Variants in C2CD4C observed in about 807,000 individuals in gnomAD.
The protein encoded by C2CD4C is C2 calcium dependent domain containing 4C.
A neutral mutation model predicts 4.1 loss-of-function variants in C2CD4C; 3 were observed. That is an observed-to-expected ratio of 0.73 (90% CI 0.33 to 1.88). The LOEUF is 1.88. Ranked by LOEUF, C2CD4C falls within the 40% of genes most tolerant of loss-of-function variation. The pLI is 0.08. For missense variants in C2CD4C, 664 were observed against 621.5 expected, an observed-to-expected ratio of 1.07 and a Z score of -0.73; for synonymous variants, 364 against 290.4, an observed-to-expected ratio of 1.25 and a Z score of -2.57.
At position 407,763 on chromosome 19, in the gene C2CD4C, G is replaced by A; in HGVS notation, c.599C>T (p.Ala200Val). The change falls in exon 2 of 2, where the codon GCT becomes GTT. Residue 200 changes from alanine to valine, a missense_variant. By Grantham distance (64) the Ala-to-Val change is moderately conservative (BLOSUM62 0). Coordinates refer to ENST00000332235, the MANE Select transcript of C2CD4C (RefSeq NM_001136263.2). ...ANGGDGGPRE[A>V]GGALMSPGRY... ...GCCGGGGCTCATGAGGGCCCCGCCAGCCTCCCTGGGGCCCCCATCACCCCC... is the reference window on the plus strand; with the variant it reads ...GCCGGGGCTCATGAGGGCCCCGCCAACCTCCCTGGGGCCCCCATCACCCCC... 6.6e-7 allele frequency: 1 copy of A among 1,516,582 alleles called. No individual in the cohort carries two copies. 93.9% of individuals were successfully genotyped at this position (1,516,582 alleles called of 1,614,324 possible). A position where few individuals can be genotyped will look rare whatever the true frequency, so the allele number is the denominator to read the frequency against.
chr19:408,312 TC>T lies in C2CD4C; in HGVS notation c.49del (p.Glu17LysfsTer26), dbSNP rs1451108002. On this transcript the variant is annotated frameshift_variant, in exon 2 of 2. Transcript: ENST00000332235. LOFTEE classifies it low-confidence loss of function (END_TRUNC). The stretch of plus-strand genomic sequence containing the variant: ...CCCCACGCCCCGGGCAGCACCGTTT[TC>T]CCCAGACCCCCGAAGCCGCTCCAAG... ...WFLERLRGSG[E>X]NGAARGVGSE... 1 of 1,547,548 alleles carries T rather than the reference TC, an allele frequency of 6.5e-7. No individual in the cohort carries two copies. Among genetic ancestry groups the T allele is most frequent in the Non-Finnish European group, 8.7e-7 (1 of 1,145,704 alleles).
chr19:408,117 G>C lies in C2CD4C; in HGVS notation c.245C>G (p.Ala82Gly), dbSNP rs1230332012. ...STSEQNLASA[A>G]PRQTPRSPRL... ...GGGGCTCCGTGGGGTCTGGCGGGGG[G>C]CCGCAGAGGCCAGGTTCTGTTCCGA... Residue 82 changes from alanine to glycine, a missense_variant, in exon 2 of 2, where the codon GCC becomes GGC. Physicochemically the swap from Ala to Gly is moderately conservative, Grantham distance 60 (BLOSUM62 0). Coordinates refer to ENST00000332235, the MANE Select transcript of C2CD4C (RefSeq NM_001136263.2). 1 of 1,471,082 alleles carries C rather than the reference G, an allele frequency of 6.8e-7. No homozygotes were observed. The highest frequency in any genetic ancestry group is 9.0e-7 in the Non-Finnish European group (1 of 1,112,938). The allele number at this position is 1,471,082 out of a possible 1,614,324, so 91.1% of individuals were successfully genotyped here. A position where few individuals can be genotyped will look rare whatever the true frequency, so the allele number is the denominator to read the frequency against.
Position 406,995 on chromosome 19 carries a change from G to A in C2CD4C, c.*101C>T. On this transcript the variant is annotated 3_prime_UTR_variant, in exon 2 of 2. Transcript: ENST00000332235. ...CTGAGTGTGAGCCCCTCCCCGGCCA[G>A]CCCCAGCCCAAGCCAGCGGACCCGC... is the stretch of plus-strand genomic sequence containing the variant. 4 of 569,372 alleles carry A rather than the reference G, an allele frequency of 7.0e-6. No individual in the cohort carries two copies. Among genetic ancestry groups the A allele is most frequent in the Non-Finnish European group, 1.1e-5 (4 of 351,344 alleles). 35.3% of individuals were successfully genotyped at this position (569,372 alleles called of 1,614,324 possible).
chr19:407,315 G>T lies in C2CD4C; in HGVS notation c.1047C>A (p.Cys349Ter), dbSNP rs919548405. ...GCTTCTGCAGCTTGCCCGGCACCAG[G>T]CACAGGCCCACGCAGCAGTTGATGC... Reference protein sequence around the residue: ...ARSINCCVGLCLVPGKLQKQR... With the variant: ...ARSINCCVGL The change falls in exon 2 of 2, where the codon TGC (cysteine) becomes TGA (stop). Residue 349 changes from cysteine (C) to a stop codon, truncating the protein, a stop_gained. Coordinates refer to ENST00000332235, the MANE Select transcript of C2CD4C (RefSeq NM_001136263.2). LOFTEE classifies it high-confidence loss of function. 2.6e-6 allele frequency: 4 copies of T among 1,549,420 alleles called. No individual in the cohort carries two copies. Among genetic ancestry groups the T allele is most frequent in the Non-Finnish European group, 3.5e-6 (4 of 1,146,806 alleles).
Position 408,654 on chromosome 19 carries a change from C to G in C2CD4C, c.-40-253G>C, listed in dbSNP as rs550732801. Among the ~76,000 whole-genome samples the G allele has an allele frequency of 3.1e-3, 468 of 152,304 alleles. 2 individuals are homozygous for G. The highest frequency in any genetic ancestry group is 6.8e-3 in the Middle Eastern group (2 of 294). On this transcript the variant is annotated intron_variant, in intron 1 of 1. Transcript: ENST00000332235. ...GCGTGGGGGCCGCGCTCTGACTCTC[C>G]GGGGAGCTCCCAGAGGAGACTGGCC... is the stretch of plus-strand genomic sequence containing the variant.
Position 406,422 on chromosome 19 carries a change from ACCT to A in C2CD4C, c.*671_*673del, listed in dbSNP as rs1568273414. The A allele has an allele frequency of 6.6e-6, 1 of 152,002 alleles. No homozygotes were observed. The highest frequency in any genetic ancestry group is 1.5e-5 in the Non-Finnish European group (1 of 68,074). The allele number at this position is 152,002 out of a possible 1,614,324, so 9.4% of individuals were successfully genotyped here. On this transcript the variant is annotated 3_prime_UTR_variant, in exon 2 of 2. Coordinates refer to ENST00000332235, the MANE Select transcript of C2CD4C (RefSeq NM_001136263.2). Reference sequence around the variant, plus strand: ...CTCCTCCCCGCGGACCTCTGCCAAGACCTCCTCTGCTCCGACTGTGGCAGCGGC... The same window carrying A: ...CTCCTCCCCGCGGACCTCTGCCAAGACCTCTGCTCCGACTGTGGCAGCGGC...
At position 406,655 on chromosome 19, in the gene C2CD4C, A is replaced by C. The variant is rs72988457; in HGVS notation, c.*441T>G. On this transcript the variant is annotated 3_prime_UTR_variant, in exon 2 of 2. Transcript: ENST00000332235. The stretch of plus-strand genomic sequence containing the variant: ...GGCAGGCTGTGGGGGAGGAAGACAC[A>C]CGTGCAGTGAAGGAGACTGTGGGCT... The C allele has an allele frequency of 6.3e-6, 1 of 157,570 alleles. No homozygotes were observed. Among genetic ancestry groups the C allele is most frequent in the Non-Finnish European group, 1.4e-5 (1 of 72,042 alleles). 9.8% of individuals were successfully genotyped at this position (157,570 alleles called of 1,614,324 possible). A position where few individuals can be genotyped will look rare whatever the true frequency, so the allele number is the denominator to read the frequency against.
At position 407,791 on chromosome 19, in the gene C2CD4C, T is replaced by G; in HGVS notation, c.571A>C (p.Asn191His). The G allele has an allele frequency of 6.5e-7, 1 of 1,529,104 alleles. No individual in the cohort carries two copies. 94.7% of individuals were successfully genotyped at this position (1,529,104 alleles called of 1,614,324 possible). The part of the protein sequence containing the change: ...AGRRRAAAKA[N>H]GGDGGPREAG... ...TCCCTGGGGCCCCCATCACCCCCGT[T>G]GGCCTTGGCAGCTGCCCGGCGGCGC... Residue 191 changes from asparagine (N) to histidine (H), a missense_variant, in exon 2 of 2, where the codon AAC becomes CAC. Coordinates refer to ENST00000332235, the MANE Select transcript of C2CD4C (RefSeq NM_001136263.2).
rs1237877151 is a variant in C2CD4C at position 409,101 on chromosome 19, G to C, written c.-136C>G. 6.5e-6 allele frequency: 1 copy of C among 153,164 alleles called. No individual in the cohort carries two copies. The highest frequency in any genetic ancestry group is 1.5e-5 in the Non-Finnish European group (1 of 68,292). 9.5% of individuals were successfully genotyped at this position (153,164 alleles called of 1,614,324 possible). On this transcript the variant is annotated 5_prime_UTR_variant, in exon 1 of 2. Transcript: ENST00000332235. ...CGGGGCTGGCGCGGGGGACGCGGCC[G>C]GAGCTTCGATGCGGGCGGCGGCGGC... is the stretch of plus-strand genomic sequence containing the variant.
rs2085875359 is a variant in C2CD4C at position 406,789 on chromosome 19, G to A, written c.*307C>T. 2.6e-6 allele frequency: 1 copy of A among 381,800 alleles called. No individual in the cohort carries two copies. The allele number at this position is 381,800 out of a possible 1,614,324, so 23.7% of individuals were successfully genotyped here. On this transcript the variant is annotated 3_prime_UTR_variant, in exon 2 of 2. Coordinates refer to ENST00000332235, the MANE Select transcript of C2CD4C (RefSeq NM_001136263.2). Reference sequence around the variant, plus strand: ...CTCTGCGTGAAAGGCGCGAGGCAGTGTGGAGGGGCAAAGGGGGACCCTCTG... The same window carrying A: ...CTCTGCGTGAAAGGCGCGAGGCAGTATGGAGGGGCAAAGGGGGACCCTCTG...
In C2CD4C at chr19:408,155, C is replaced by T. The variant is rs1472051961; in HGVS notation, c.207G>A (p.Leu69=). ...GGTTCTGTTCCGACGTGGAGGGGCC[C>T]AGCGCGGCCTGTCCCTCGCCCTCCG... The part of the protein sequence containing the change: ...GPAEGEGQAA[L]GPSTSEQNLA... The change falls in exon 2 of 2, where the codon CTG becomes CTA. Residue 69 remains leucine, a synonymous_variant. Transcript: ENST00000332235. The T allele has an allele frequency of 2.1e-6, 3 of 1,452,468 alleles. No homozygotes were observed. The highest frequency in any genetic ancestry group is 2.8e-5 in the Admixed American group (1 of 35,316). 90.0% of individuals were successfully genotyped at this position (1,452,468 alleles called of 1,614,324 possible).
In C2CD4C at chr19:407,009, CAG is replaced by C; in HGVS notation, c.*85_*86del. ...CTCCCCGGCCAGCCCCAGCCCAAGC[CAG>C]CGGACCCGCCCGCCAGCACCCGGTG... On this transcript the variant is annotated 3_prime_UTR_variant, in exon 2 of 2. Transcript: ENST00000332235. 12 of 1,253,170 alleles carry C rather than the reference CAG, an allele frequency of 9.6e-6. No individual in the cohort carries two copies. Among genetic ancestry groups the C allele is most frequent in the Non-Finnish European group, 1.1e-5 (10 of 931,236 alleles). The allele number at this position is 1,253,170 out of a possible 1,614,324, so 77.6% of individuals were successfully genotyped here.
chr19:407,275 C>T lies in C2CD4C; in HGVS notation c.1087G>A (p.Val363Met), dbSNP rs1176300013. ...AAGACGGGGCGGCGGCTGTTCTTCA[C>T]GATGGTGCTGCGCTGCTTCTGCAGC... ...GKLQKQRSTI[V>M]KNSRRPVFNE... is the part of the protein sequence containing the mutation. The change falls in exon 2 of 2, where the codon GTG becomes ATG. Residue 363 changes from valine (V) to methionine (M), a missense_variant. Val to Met is a conservative substitution (Grantham distance 21). Coordinates refer to ENST00000332235, the MANE Select transcript of C2CD4C (RefSeq NM_001136263.2). 1.3e-6 allele frequency: 2 copies of T among 1,550,066 alleles called. No individual in the cohort carries two copies. The highest frequency in any genetic ancestry group is 2.7e-5 in the African/African-American group (2 of 73,058).
At position 406,226 on chromosome 19, in the gene C2CD4C, AC is replaced by A. The variant is rs1394602129; in HGVS notation, c.*869del. The A allele has an allele frequency of 6.6e-6, 1 of 152,272 alleles. No individual in the cohort carries two copies. The highest frequency in any genetic ancestry group is 2.4e-5 in the African/African-American group (1 of 41,474). The allele number at this position is 152,272 out of a possible 1,614,324, so 9.4% of individuals were successfully genotyped here. ...TGTCGCTCCCAGCTGCAGACGCTGG[AC>A]AAAAGGGCGACGGGGTGGCAGCCCC... On this transcript the variant is annotated 3_prime_UTR_variant, in exon 2 of 2. Transcript: ENST00000332235.
Position 407,612 on chromosome 19 carries a change from C to A in C2CD4C, c.750G>T (p.Val250=). 6.9e-7 allele frequency: 1 copy of A among 1,448,092 alleles called. No homozygotes were observed. The highest frequency in any genetic ancestry group is 9.1e-7 in the Non-Finnish European group (1 of 1,099,032). The allele number at this position is 1,448,092 out of a possible 1,614,324, so 89.7% of individuals were successfully genotyped here. A position where few individuals can be genotyped will look rare whatever the true frequency, so the allele number is the denominator to read the frequency against. ...KGFAQDSQAK[V]SQLRHSVGRH... Reference sequence around the variant, plus strand: ...GGCCCACGGAGTGCCGGAGCTGGCTCACCTTGGCCTGGCTGTCCTGGGCGA... The same window carrying A: ...GGCCCACGGAGTGCCGGAGCTGGCTAACCTTGGCCTGGCTGTCCTGGGCGA... The change falls in exon 2 of 2, where the codon GTG becomes GTT. Residue 250 remains valine (V), a synonymous_variant. Transcript: ENST00000332235.
At position 406,729 on chromosome 19, in the gene C2CD4C, C is replaced by A. The variant is rs1446141380; in HGVS notation, c.*367G>T. Reference sequence around the variant, plus strand: ...CACGGCCCCGCCCTGGCCACATGCACGGATTCCTGAACCCCTGAGAACCTC... The same window carrying A: ...CACGGCCCCGCCCTGGCCACATGCAAGGATTCCTGAACCCCTGAGAACCTC... On this transcript the variant is annotated 3_prime_UTR_variant, in exon 2 of 2. Coordinates refer to ENST00000332235, the MANE Select transcript of C2CD4C (RefSeq NM_001136263.2). 9.8e-6 allele frequency: 2 copies of A among 203,702 alleles called. No homozygotes were observed. Among genetic ancestry groups the A allele is most frequent in the South Asian group, 1.2e-4 (1 of 8,024 alleles). The allele number at this position is 203,702 out of a possible 1,614,324, so 12.6% of individuals were successfully genotyped here.
In C2CD4C at chr19:407,740, C is replaced by T. The variant is rs768360810; in HGVS notation, c.622G>A (p.Gly208Ser). The change falls in exon 2 of 2, where the codon GGC (glycine) becomes AGC (serine). Residue 208 changes from glycine to serine, a missense_variant. Physicochemically the swap from Gly to Ser is moderately conservative, Grantham distance 56. Coordinates refer to ENST00000332235, the MANE Select transcript of C2CD4C (RefSeq NM_001136263.2). ...CTCTCCCCGCCACTGAAGTAGCGGC[C>T]GGGGCTCATGAGGGCCCCGCCAGCC... Reference protein sequence around the residue: ...REAGGALMSPGRYFSGGESDT... With the variant: ...REAGGALMSPSRYFSGGESDT... 46 of 1,522,900 alleles carry T rather than the reference C, an allele frequency of 3.0e-5. No homozygotes were observed. Among genetic ancestry groups the T allele is most frequent in the Admixed American group, 6.4e-5 (3 of 46,968 alleles). 94.3% of individuals were successfully genotyped at this position (1,522,900 alleles called of 1,614,324 possible). A position where few individuals can be genotyped will look rare whatever the true frequency, so the allele number is the denominator to read the frequency against.
Position 408,311 on chromosome 19 carries a change from TTCCCCAGACCCCC to T in C2CD4C, c.38_50del (p.Arg13GlnfsTer26). 3 of 1,547,480 alleles carry T rather than the reference TTCCCCAGACCCCC, an allele frequency of 1.9e-6. No homozygotes were observed. Among genetic ancestry groups the T allele is most frequent in the Non-Finnish European group, 2.6e-6 (3 of 1,145,676 alleles). On this transcript the variant is annotated frameshift_variant, in exon 2 of 2. Coordinates refer to ENST00000332235, the MANE Select transcript of C2CD4C (RefSeq NM_001136263.2). LOFTEE classifies it low-confidence loss of function (END_TRUNC). ...TCCCCACGCCCCGGGCAGCACCGTTTTCCCCAGACCCCCGAAGCCGCTCCAAGAACCACATGTT... is the reference window on the plus strand; with the variant it reads ...TCCCCACGCCCCGGGCAGCACCGTTTGAAGCCGCTCCAAGAACCACATGTT...
rs1391236472 is a variant in C2CD4C, at chr19:407,922, G to T, written c.440C>A (p.Ser147Tyr). The T allele has an allele frequency of 1.3e-6, 2 of 1,549,062 alleles. No individual in the cohort carries two copies. Among genetic ancestry groups the T allele is most frequent in the South Asian group, 2.4e-5 (2 of 83,960 alleles). Residue 147 changes from serine (S) to tyrosine (Y), a missense_variant, in exon 2 of 2, where the codon TCC becomes TAC. By Grantham distance (144) the Ser-to-Tyr change is moderately radical (BLOSUM62 -2). Transcript: ENST00000332235. ...SLPSVPKAQT[S>Y]YGFAMLAESP... ...CTCAGCCAGCATGGCGAAGCCGTAG[G>T]ACGTCTGGGCCTTGGGCACCGAGGG...
Sources: gnomAD v4.1 joint callset for allele counts (sites outside exome capture counted in the v4.1 genomes callset) on GRCh38, gnomAD v4.1.1 for gene constraint, MANE v1.5 for transcripts, NCBI Gene and HGNC (gene_info 2026-07-23, HGNC 2026-07-21) for gene names.